The following NTN1 variants were observed in gnomAD, a reference collection of about 807,000 sequenced individuals.
The protein encoded by NTN1 is netrin-1.
In NTN1, 11 loss-of-function variants were observed where a neutral mutation model predicts 54.2. The ratio of observed to expected loss-of-function variants is 0.20; its 90% CI spans 0.13 to 0.34. NTN1 has a LOEUF of 0.34. Among genes scored for constraint, NTN1 ranks in the 10% least tolerant of loss-of-function variants. The pLI, the probability that NTN1 is intolerant of heterozygous loss-of-function variation, is 1.00. For synonymous variants in NTN1, 371 were observed against 382.0 expected, an observed-to-expected ratio of 0.97 and a Z score of 0.33; for missense variants, 740 against 893.1, an observed-to-expected ratio of 0.83 and a Z score of 2.18.
At chr17:9,058,598 T>C (rs2091986257) in intron 2 of NTN1, among the ~76,000 whole-genome samples, 1 of 128,176 alleles carries the variant, frequency 7.8e-6, no homozygotes, top group Non-Finnish European at 1.5e-5. Flanking sequence ...TTTGCAAGGC[T>C]TAGGGTCCAT....
intron 1 of NTN1, 59 bp from the exon 2 acceptor site, chr17:9,022,252 C>G: frequency 6.2e-6 from 7 of 1,120,192 alleles, no homozygotes; most frequent in Non-Finnish European, 7.9e-6. Context: ...CTCGCCACCC[C>G]GCCGAGAGCT....
At chr17:9,111,599 G>T (rs968104183) in intron 2 of NTN1, among the ~76,000 whole-genome samples, 1 of 152,088 alleles carries the variant, frequency 6.6e-6, no homozygotes, top group East Asian at 1.9e-4. Flanking sequence ...AAAAAATCTG[G>T]ATATTTTTGA....
chr17:9,078,676 T>C (rs2092059819), intron 2 of NTN1, among the ~76,000 whole-genome samples: 1 of 152,158 alleles, frequency 6.6e-6, no homozygotes, highest in African/African-American at 2.4e-5. Context: ...CAACCTGCAA[T>C]GGCAAATAAG....
At chr17:9,059,119 A>T (rs1161197649) in intron 2 of NTN1, among the ~76,000 whole-genome samples, 5 of 152,184 alleles carry the variant, frequency 3.3e-5, no homozygotes, top group African/African-American at 1.2e-4. Context: ...ATTCATGGTG[A>T]TGCCTACCTG....
intron 2 of NTN1, 100 bp from the exon 3 acceptor site, chr17:9,162,713 A>C (rs1360202515): frequency 9.9e-6 from 11 of 1,112,250 alleles, no homozygotes; most frequent in Non-Finnish European, 1.4e-5. Context: ...CTGCTAGTGG[A>C]GAAGGGAGGA....
intron 5 of NTN1, among the ~76,000 whole-genome samples, chr17:9,220,656 A>G (rs1340397905): frequency 6.6e-6 from 1 of 152,122 alleles, no homozygotes; most frequent in Non-Finnish European, 1.5e-5. Flanking sequence ...ACACTGCAGT[A>G]GAGTGAACAC....
rs558828919 is a variant in NTN1, at chr17:9,034,882, G to A, written c.1018+11491G>A. Among the ~76,000 whole-genome samples the A allele has an allele frequency of 2.6e-5, 4 of 152,230 alleles. No individual in the cohort carries two copies. The East Asian group carries it at 5.8e-4, about 22-fold the overall frequency. ...CAGCAACCCAGAAGCTGACCTGTGC[G>A]TCCACCCAGTTACCACGCCCCCTAC... On this transcript the variant is annotated intron_variant, in intron 2 of 6. Transcript: ENST00000173229.
intron 5 of NTN1, among the ~76,000 whole-genome samples, chr17:9,194,808 C>A (rs1904579083): frequency 6.6e-6 from 1 of 152,214 alleles, no homozygotes; most frequent in South Asian, 2.1e-4. Flanking sequence ...GTGGGGGGAC[C>A]TGCTCATTGC....
chr17:9,067,993 G>A (rs1324028251), intron 2 of NTN1, among the ~76,000 whole-genome samples: 4 of 152,212 alleles, frequency 2.6e-5, no homozygotes, highest in Non-Finnish European at 5.9e-5. Flanking sequence ...AGGATTGCTT[G>A]AGCTGAGGAG....
At position 9,226,485 on chromosome 17, in the gene NTN1, C is replaced by T. The variant is rs1286534439; in HGVS notation, c.1486+5243C>T. On this transcript the variant is annotated intron_variant, in intron 6 of 6. Transcript: ENST00000173229. ...GTGGGGAGGCTGTCTCGTGGGGAGGCGGTCTCGTGGGGAGGTGGTCTCGTG... is the reference window on the plus strand; with the variant it reads ...GTGGGGAGGCTGTCTCGTGGGGAGGTGGTCTCGTGGGGAGGTGGTCTCGTG... Among the ~76,000 whole-genome samples, 19 of 32,148 alleles carry T rather than the reference C, an allele frequency of 5.9e-4. No individual in the cohort carries two copies. The South Asian group carries it at 8.6e-3, about 15-fold the overall frequency. The allele number at this position is 32,148 out of a possible 152,430, so 21.1% of individuals were successfully genotyped here.
intron 2 of NTN1, among the ~76,000 whole-genome samples, chr17:9,123,757 T>C (rs779673588): frequency 1.4e-4 from 21 of 152,082 alleles, no homozygotes; most frequent in Non-Finnish European, 1.9e-4. Flanking sequence ...GGGGTTCTCA[T>C]TGTGGACTTT....
chr17:9,112,149 G>A (rs149409487), intron 2 of NTN1, among the ~76,000 whole-genome samples: 164 of 152,320 alleles, frequency 1.1e-3, no homozygotes, highest in Non-Finnish European at 1.6e-3. Context: ...ATGAAGCTGC[G>A]CCTGTGGCTG....
At chr17:9,115,065 C>T (rs551952334) in intron 2 of NTN1, among the ~76,000 whole-genome samples, 4 of 152,200 alleles carry the variant, frequency 2.6e-5, no homozygotes, top group South Asian at 4.1e-4. Flanking sequence ...GGCGCCAGGC[C>T]GGGGGTGCAG....
intron 6 of NTN1, among the ~76,000 whole-genome samples, chr17:9,230,462 T>TGCCA (rs2142369589): frequency 8.1e-6 from 1 of 123,618 alleles, no homozygotes; most frequent in East Asian, 2.4e-4. Context: ...CCCCCCCGAG[T>TGCCA]GCCAGCCCCA....
At chr17:9,085,395 T>TA (rs1225597306) in intron 2 of NTN1, among the ~76,000 whole-genome samples, 1 of 152,172 alleles carries the variant, frequency 6.6e-6, no homozygotes, top group East Asian at 1.9e-4. Flanking sequence ...AAGTGGAAGT[T>TA]ACGCGTGTCA....
At chr17:9,115,695 C>G (rs150771482) in intron 2 of NTN1, among the ~76,000 whole-genome samples, 1 of 152,232 alleles carries the variant, frequency 6.6e-6, no homozygotes, top group East Asian at 1.9e-4. Context: ...CGGGGACAAA[C>G]GGCTCTGACA....
At chr17:9,208,717 T>G (rs1287096967) in intron 5 of NTN1, among the ~76,000 whole-genome samples, 1 of 152,176 alleles carries the variant, frequency 6.6e-6, no homozygotes, top group East Asian at 1.9e-4. Flanking sequence ...AATAATAGGA[T>G]TCTACCACCG....
intron 2 of NTN1, among the ~76,000 whole-genome samples, chr17:9,033,891 T>G (rs2151510657): frequency 7.8e-6 from 1 of 128,834 alleles, no homozygotes; most frequent in South Asian, 2.3e-4. Flanking sequence ...CATTCCAGCC[T>G]GGGCAACAAG....
chr17:9,162,906 G>T lies in NTN1; in HGVS notation c.1112G>T (p.Cys371Phe). 1 of 1,613,720 alleles carries T rather than the reference G, an allele frequency of 6.2e-7. No homozygotes were observed. Among genetic ancestry groups the T allele is most frequent in the Non-Finnish European group, 8.5e-7 (1 of 1,179,884 alleles). Residue 371 changes from cysteine (C) to phenylalanine (F), a missense_variant, in exon 3 of 7, where the codon TGT (cysteine) becomes TTT (phenylalanine). Transcript: ENST00000173229. ...AAGAGCGGAGGTGTCTGCCTCAACTGTCGCCACAACACCGCCGGCCGCCAC... is the reference window on the plus strand; with the variant it reads ...AAGAGCGGAGGTGTCTGCCTCAACTTTCGCCACAACACCGCCGGCCGCCAC... Reference protein sequence around the residue: ...GRKSGGVCLNCRHNTAGRHCH... With the variant: ...GRKSGGVCLNFRHNTAGRHCH...
Sources: allele counts gnomAD v4.1 joint callset (sites outside exome capture counted in the v4.1 genomes callset), GRCh38; gene constraint gnomAD v4.1.1; transcripts MANE v1.5; gene names NCBI Gene and HGNC (gene_info 2026-07-23, HGNC 2026-07-21).